The following SNORC variants were observed in gnomAD, a reference collection of about 807,000 sequenced individuals.
SNORC encodes secondary ossification center associated regulator of chondrocyte maturation.
SNORC carries 11 observed loss-of-function variants against 9.7 expected under a neutral mutation model. The observed-to-expected ratio is 1.14, with a 90% CI of 0.72 to 1.88. The LOEUF (loss-of-function observed/expected upper bound fraction) is 1.88, where lower values mean the gene tolerates loss of function less well. Among genes scored for constraint, SNORC ranks in the 40% most tolerant of loss-of-function variants. The pLI is 0.00. For missense variants in SNORC, 197 were observed against 173.1 expected, an observed-to-expected ratio of 1.14 and a Z score of -0.77; for synonymous variants, 108 against 88.7, an observed-to-expected ratio of 1.22 and a Z score of -1.22.
intron 1 of SNORC, 124 bp downstream of exon 1, chr2:232,870,538 T>TG: frequency 1.1e-6 from 1 of 951,488 alleles, no homozygotes; most frequent in South Asian, 1.6e-5. Flanking sequence ...GATGACTATT[T>TG]GGGGTGATTC....
At chr2:232,877,167 C>T (rs1691294282), downstream of SNORC, 1 of 985,482 alleles carries the variant, frequency 1.0e-6, no homozygotes. Flanking sequence ...CGGACACGGC[C>T]CGCCCCTGCT....
chr2:232,869,516 C>G (rs1408409567), upstream of SNORC: 2 of 152,274 alleles, frequency 1.3e-5, no homozygotes, highest in Admixed American at 6.5e-5. Context: ...ATTCCACTGA[C>G]TGAGTGAGGG....
chr2:232,872,600 T>G (rs1489284277), intron 1 of SNORC, among the ~76,000 whole-genome samples: 1 of 152,170 alleles, frequency 6.6e-6, no homozygotes, highest in East Asian at 1.9e-4. Context: ...GGAACTTTCT[T>G]GGGGTCCTCC....
chr2:232,870,041 G>A (rs1690960963), upstream of SNORC, among the ~76,000 whole-genome samples: 1 of 152,090 alleles, frequency 6.6e-6, no homozygotes, highest in Non-Finnish European at 1.5e-5. Flanking sequence ...AAATGTGGGA[G>A]GTGTGTGTGT....
chr2:232,870,840 A>G (rs934995283), intron 1 of SNORC, among the ~76,000 whole-genome samples: 1 of 152,182 alleles, frequency 6.6e-6, no homozygotes, highest in African/African-American at 2.4e-5. Context: ...GGTTTCTGCG[A>G]CGTCCTTAGA....
downstream of SNORC, chr2:232,876,524 ACG>A: frequency 8.2e-7 from 1 of 1,216,616 alleles, no homozygotes; most frequent in African/African-American, 1.6e-5. This position sits in a 1 kb window ranked among gnomAD's most constrained non-coding sequence, Gnocchi z 6.8. Context: ...GGTGCCGTGC[ACG>A]CGCGCGGGTC....
chr2:232,874,778 T>A lies in SNORC; in HGVS notation c.74-1162T>A, dbSNP rs374892788. Among the ~76,000 whole-genome samples, 19 of 152,338 alleles carry A rather than the reference T, an allele frequency of 1.2e-4. 1 individual carries two copies. In the South Asian group the frequency reaches 3.9e-3, roughly 32 times the overall value. On this transcript the variant is annotated intron_variant, in intron 1 of 2. Transcript: ENST00000331342. ...TCGCCGGCTGGCCGGCAGGGTCTGTTCACAGAACGGCAGCCTCCCTGCACT... is the reference window on the plus strand; with the variant it reads ...TCGCCGGCTGGCCGGCAGGGTCTGTACACAGAACGGCAGCCTCCCTGCACT...
At chr2:232,871,962 C>T (rs1001787131) in intron 1 of SNORC, among the ~76,000 whole-genome samples, 3 of 152,196 alleles carry the variant, frequency 2.0e-5, no homozygotes, top group Non-Finnish European at 4.4e-5. Context: ...GCTTCCTCTG[C>T]CACCACAGGA....
chr2:232,867,485 TTGTC>T (rs1471123544), upstream of SNORC, among the ~76,000 whole-genome samples: 1 of 152,270 alleles, frequency 6.6e-6, no homozygotes, highest in Admixed American at 6.5e-5. Flanking sequence ...TTTAGACTTT[TTGTC>T]TGGTCTAAGT....
At chr2:232,876,960 G>C (rs1691279496), downstream of SNORC, 15 of 985,442 alleles carry the variant, frequency 1.5e-5, no homozygotes, top group Non-Finnish European at 1.8e-5. The surrounding 1 kb of genome is among the most constrained non-coding windows in gnomAD (Gnocchi z 6.8). Flanking sequence ...CAGAGACCCC[G>C]GGGCCCGCCG....
At chr2:232,876,563 G>A, downstream of SNORC, 2 of 1,168,524 alleles carry the variant, frequency 1.7e-6, no homozygotes, top group Non-Finnish European at 2.1e-6. The surrounding 1 kb of genome is among the most constrained non-coding windows in gnomAD (Gnocchi z 6.8). Context: ...TTCCCCGCAG[G>A]GGCGCCGGGG....
chr2:232,873,999 C>T (rs2106192482), intron 1 of SNORC, among the ~76,000 whole-genome samples: 1 of 152,336 alleles, frequency 6.6e-6, no homozygotes, highest in Admixed American at 6.5e-5. Context: ...CTGCCTTGGG[C>T]CAGCCCTGGG....
intron 1 of SNORC, among the ~76,000 whole-genome samples, chr2:232,873,699 C>T (rs1691113631): frequency 6.6e-6 from 1 of 152,188 alleles, no homozygotes; most frequent in Admixed American, 6.5e-5. Flanking sequence ...GCACTCAGGC[C>T]TTTTACCTGC....
upstream of SNORC, chr2:232,869,130 C>G (rs930991376): frequency 6.6e-6 from 1 of 152,074 alleles, no homozygotes; most frequent in Non-Finnish European, 1.5e-5. Context: ...CATATAAATA[C>G]GCATGCTAAA....
At position 232,875,897 on chromosome 2, in the gene SNORC, GC is replaced by G. The variant is rs761694410; in HGVS notation, c.74-39del. On this transcript the variant is annotated intron_variant, in intron 1 of 2. Coordinates refer to ENST00000331342, the Ensembl canonical transcript of SNORC. ...GAGGTGGGGGGTGACGTCCCTGTCGGCCCCGTCACCTGGGGCCCCAGCACCT... is the reference window on the plus strand; with the variant it reads ...GAGGTGGGGGGTGACGTCCCTGTCGGCCCGTCACCTGGGGCCCCAGCACCT... The G allele has an allele frequency of 1.2e-5, 18 of 1,513,146 alleles. No individual in the cohort carries two copies. In the South Asian group the frequency reaches 2.1e-4, roughly 18 times the overall value. The allele number at this position is 1,513,146 out of a possible 1,614,324, so 93.7% of individuals were successfully genotyped here. A position where few individuals can be genotyped will look rare whatever the true frequency, so the allele number is the denominator to read the frequency against.
exon 2 of SNORC, chr2:232,875,960 G>T: frequency 6.4e-7 from 1 of 1,553,998 alleles, no homozygotes. Context: ...ACAGGAGCCC[G>T]TGCCCACGCT....
upstream of SNORC, chr2:232,869,885 C>A (rs551298403): frequency 8.8e-5 from 23 of 262,686 alleles, no homozygotes; most frequent in East Asian, 1.3e-3. Context: ...CAAGCCCAGG[C>A]CACAGGCACT....
chr2:232,867,149 C>A (rs1048004368), upstream of SNORC, among the ~76,000 whole-genome samples: 1 of 152,182 alleles, frequency 6.6e-6, no homozygotes, highest in African/African-American at 2.4e-5. Flanking sequence ...TGAAAATGAG[C>A]CATAAATTGG....
At chr2:232,869,501 C>T (rs1427580570), upstream of SNORC, 2 of 152,258 alleles carry the variant, frequency 1.3e-5, no homozygotes, top group African/African-American at 4.8e-5. Flanking sequence ...GAGCGGGGAA[C>T]TGGGATTCCA....
Sources: gnomAD v4.1 joint callset for allele counts (sites outside exome capture counted in the v4.1 genomes callset) on GRCh38, gnomAD v4.1.1 for gene constraint, Gnocchi (gnomAD v3.1) non-coding constraint, MANE v1.5 for transcripts, NCBI Gene and HGNC (gene_info 2026-07-23, HGNC 2026-07-21) for gene names.